The following IGFBP2 variants were observed in gnomAD, a reference collection of about 807,000 sequenced individuals.
IGFBP2 encodes insulin like growth factor binding protein 2, also known as insulin-like growth factor-binding protein 2.
A neutral mutation model predicts 26.2 loss-of-function variants in IGFBP2; 12 were observed. The ratio of observed to expected loss-of-function variants is 0.46; its 90% CI spans 0.29 to 0.74. IGFBP2 has a LOEUF of 0.74. Among genes scored for constraint, IGFBP2 ranks in the 30% least tolerant of loss-of-function variants. IGFBP2 has a pLI of 0.09. For synonymous variants in IGFBP2, 189 were observed against 200.6 expected, an observed-to-expected ratio of 0.94 and a Z score of 0.49; for missense variants, 328 against 441.2, an observed-to-expected ratio of 0.74 and a Z score of 2.30.
chr2:216,651,000 T>G (rs544384918), intron 1 of IGFBP2, among the ~76,000 whole-genome samples: 1 of 152,078 alleles, frequency 6.6e-6, no homozygotes, highest in Non-Finnish European at 1.5e-5. Flanking sequence ...TTAACTAAGC[T>G]GGAATGTGTC....
At chr2:216,648,898 C>T (rs1182234957) in intron 1 of IGFBP2, among the ~76,000 whole-genome samples, 3 of 152,088 alleles carry the variant, frequency 2.0e-5, no homozygotes, top group African/African-American at 4.8e-5. Context: ...TGAGCCACCG[C>T]GCCCAGCCCT....
At chr2:216,645,142 C>G (rs1384490607) in intron 1 of IGFBP2, among the ~76,000 whole-genome samples, 3 of 152,192 alleles carry the variant, frequency 2.0e-5, no homozygotes, top group African/African-American at 7.2e-5. Context: ...TGGCAATTCC[C>G]TTGTGCCCTG....
In IGFBP2 at chr2:216,661,913, T is replaced by A; in HGVS notation, c.728T>A (p.Leu243His). The A allele has an allele frequency of 6.2e-7, 1 of 1,614,206 alleles. No individual in the cohort carries two copies. The highest frequency in any genetic ancestry group is 8.5e-7 in the Non-Finnish European group (1 of 1,180,020). The change falls in exon 3 of 4, where the codon CTT becomes CAT. Residue 243 changes from leucine (L) to histidine (H), a missense_variant. Transcript: ENST00000233809. ...CTGGAGCGGATCTCCACCATGCGCC[T>A]TCCGGATGAGCGGGGCCCTCTGGAG... ...QVLERISTMRLPDERGPLEHL... is the reference protein window; with the variant it reads ...QVLERISTMRHPDERGPLEHL...
At chr2:216,643,747 C>G (rs576672749) in intron 1 of IGFBP2, among the ~76,000 whole-genome samples, 9 of 152,160 alleles carry the variant, frequency 5.9e-5, no homozygotes. Context: ...CAAAGCTCTC[C>G]TGGGCTGCAG....
At chr2:216,655,998 T>C (rs1213690085) in intron 1 of IGFBP2, among the ~76,000 whole-genome samples, 2 of 143,230 alleles carry the variant, frequency 1.4e-5, no homozygotes, top group African/African-American at 5.1e-5. Context: ...TAAAAGTTAT[T>C]TTTTTTTTCT....
At chr2:216,657,995 G>T (rs1028377291) in intron 1 of IGFBP2, among the ~76,000 whole-genome samples, 4 of 151,328 alleles carry the variant, frequency 2.6e-5, no homozygotes, top group Admixed American at 6.6e-5. Context: ...CCTTTTTGAT[G>T]TCCCAAGATC....
chr2:216,657,276 G>A (rs1272774544), intron 1 of IGFBP2, among the ~76,000 whole-genome samples: 2 of 152,164 alleles, frequency 1.3e-5, no homozygotes, highest in South Asian at 2.1e-4. Flanking sequence ...GCGGAGGCAG[G>A]GAGGCTGGGG....
chr2:216,638,348 T>G (rs889541331), intron 1 of IGFBP2, among the ~76,000 whole-genome samples: 1 of 151,164 alleles, frequency 6.6e-6, no homozygotes, highest in African/African-American at 2.4e-5. Context: ...CTACTAAAAA[T>G]GCAAAAATTA....
chr2:216,657,268 G>A (rs765576870), intron 1 of IGFBP2, among the ~76,000 whole-genome samples: 32 of 152,102 alleles, frequency 2.1e-4, no homozygotes, highest in African/African-American at 5.6e-4. Context: ...GCAGCGGGGC[G>A]GAGGCAGGGA....
intron 1 of IGFBP2, among the ~76,000 whole-genome samples, chr2:216,649,264 T>C (rs1697773063): frequency 6.6e-6 from 1 of 152,248 alleles, no homozygotes. Flanking sequence ...AATATTCTTT[T>C]TAACTGCTAT....
chr2:216,648,931 A>G (rs1440126244), intron 1 of IGFBP2, among the ~76,000 whole-genome samples: 2 of 152,214 alleles, frequency 1.3e-5, no homozygotes, highest in Non-Finnish European at 2.9e-5. Context: ...TTTTAAAAGA[A>G]TATTTAAAAA....
chr2:216,633,426 G>A lies in IGFBP2; in HGVS notation c.-98G>A. ...GGCTGCGGCGGCGAGGGAGGAGGAA[G>A]AAGCGGAGGAGGCGGCTCCCGCGCT... On this transcript the variant is annotated 5_prime_UTR_variant, in exon 1 of 4. Coordinates refer to ENST00000233809, the MANE Select transcript of IGFBP2 (RefSeq NM_000597.3). 5.3e-6 allele frequency: 1 copy of A among 187,156 alleles called. No individual in the cohort carries two copies. Among genetic ancestry groups the A allele is most frequent in the South Asian group, 1.6e-4 (1 of 6,238 alleles). 11.6% of individuals were successfully genotyped at this position (187,156 alleles called of 1,614,324 possible).
chr2:216,663,075 G>A (rs566046665), intron 3 of IGFBP2: 1 of 152,256 alleles, frequency 6.6e-6, no homozygotes, highest in African/African-American at 2.4e-5. Context: ...TGGGAACAGG[G>A]CTCTGCTGAT....
intron 1 of IGFBP2, among the ~76,000 whole-genome samples, chr2:216,651,630 A>G (rs1301703032): frequency 6.6e-6 from 1 of 152,256 alleles, no homozygotes; most frequent in African/African-American, 2.4e-5. Context: ...AATAGATCAT[A>G]TTGCAGAACT....
intron 1 of IGFBP2, among the ~76,000 whole-genome samples, chr2:216,648,415 A>T (rs1450868219): frequency 6.6e-6 from 1 of 152,268 alleles, no homozygotes; most frequent in East Asian, 1.9e-4. Flanking sequence ...CCAGGAGCCC[A>T]GGGCTAGGTT....
chr2:216,647,056 G>A (rs561973325), intron 1 of IGFBP2, among the ~76,000 whole-genome samples: 28 of 152,332 alleles, frequency 1.8e-4, no homozygotes, highest in African/African-American at 5.8e-4. Context: ...AACCAAGGCA[G>A]CAGAGATGTA....
At chr2:216,649,363 C>G (rs112888367) in intron 1 of IGFBP2, among the ~76,000 whole-genome samples, 1 of 152,180 alleles carries the variant, frequency 6.6e-6, no homozygotes, top group African/African-American at 2.4e-5. Flanking sequence ...AGTGTTTTTA[C>G]AACTACAAGT....
At chr2:216,661,118 C>T (rs1433428376) in intron 2 of IGFBP2, 2 of 340,188 alleles carry the variant, frequency 5.9e-6, no homozygotes, top group East Asian at 7.6e-5. Context: ...TTTTCCTCCC[C>T]CTGAGATGGG....
intron 1 of IGFBP2, among the ~76,000 whole-genome samples, chr2:216,643,163 G>A (rs1362930956): frequency 6.6e-6 from 1 of 152,196 alleles, no homozygotes; most frequent in African/African-American, 2.4e-5. Flanking sequence ...CACTGAACTT[G>A]ATCCTGGCAA....
Sources: gnomAD v4.1 joint callset for allele counts (sites outside exome capture counted in the v4.1 genomes callset) on GRCh38, gnomAD v4.1.1 for gene constraint, MANE v1.5 for transcripts, NCBI Gene and HGNC (gene_info 2026-07-23, HGNC 2026-07-21) for gene names.